Variants in NEBL observed in about 807,000 individuals in gnomAD.
The protein encoded by NEBL is LIM and SH3 protein 2.
NEBL carries 122 observed loss-of-function variants against 140.2 expected under a neutral mutation model. That is an observed-to-expected ratio of 0.87 (90% CI 0.75 to 1.01). NEBL has a LOEUF of 1.01. NEBL is among the 50% of genes least tolerant of loss of function. The pLI is 0.00. For missense variants in NEBL, 1,365 were observed against 1,231.3 expected, an observed-to-expected ratio of 1.11 and a Z score of -1.62; for synonymous variants, 436 against 398.9, an observed-to-expected ratio of 1.09 and a Z score of -1.11.
chr10:21,014,120 T>A (rs926164474), intron 3 of NEBL, among the ~76,000 whole-genome samples: 3 of 152,074 alleles, frequency 2.0e-5, no homozygotes, highest in Non-Finnish European at 4.4e-5. Flanking sequence ...TCCTATTTTT[T>A]ATTATTATTA....
At chr10:20,887,411 C>CTTTTTT (rs36034071) in intron 4 of NEBL, among the ~76,000 whole-genome samples, 11 of 80,624 alleles carry the variant, frequency 1.4e-4, no homozygotes, top group East Asian at 9.8e-4. Context: ...TGAATTCAAC[C>CTTTTTT]TTTTTTTTTT....
intron 2 of NEBL, among the ~76,000 whole-genome samples, chr10:20,890,723 G>C (rs1846959134): frequency 6.6e-6 from 1 of 152,212 alleles, no homozygotes; most frequent in African/African-American, 2.4e-5. Context: ...TTTGGGGATA[G>C]GCCAGAATTG....
At chr10:21,286,559 G>A (rs770622905) in intron 1 of NEBL, among the ~76,000 whole-genome samples, 38 of 152,210 alleles carry the variant, frequency 2.5e-4, no homozygotes, top group Non-Finnish European at 4.4e-4. Context: ...ATAGCAGGGC[G>A]CCATGGCTCA....
At chr10:21,291,641 G>A (rs997660606) in intron 1 of NEBL, among the ~76,000 whole-genome samples, 1 of 152,004 alleles carries the variant, frequency 6.6e-6, no homozygotes, top group East Asian at 1.9e-4. Context: ...CAGACCAGGC[G>A]CAGTGGCTCA....
chr10:21,018,816 T>C (rs1302228811), intron 3 of NEBL, among the ~76,000 whole-genome samples: 6 of 151,974 alleles, frequency 3.9e-5, no homozygotes, highest in Admixed American at 3.3e-4. Context: ...GATCACAAAG[T>C]CAGGAGTTCA....
intron 2 of NEBL, among the ~76,000 whole-genome samples, chr10:21,098,332 C>A (rs1190644320): frequency 6.6e-6 from 1 of 152,178 alleles, no homozygotes; most frequent in Non-Finnish European, 1.5e-5. Context: ...AGACAAAGAT[C>A]AAACTATGAC....
chr10:21,161,547 T>A (rs1315310409), intron 2 of NEBL, among the ~76,000 whole-genome samples: 2 of 152,174 alleles, frequency 1.3e-5, no homozygotes, highest in Non-Finnish European at 2.9e-5. Context: ...AATTTGCCAA[T>A]AGGACAGACT....
At chr10:20,839,358 G>A (rs952603912) in intron 13 of NEBL, among the ~76,000 whole-genome samples, 2 of 152,164 alleles carry the variant, frequency 1.3e-5, no homozygotes, top group African/African-American at 4.8e-5. Flanking sequence ...CTAATGTAGG[G>A]TTAATGTGAT....
At chr10:20,941,249 G>T (rs144687319) in intron 4 of NEBL, among the ~76,000 whole-genome samples, 2 of 152,246 alleles carry the variant, frequency 1.3e-5, no homozygotes, top group South Asian at 2.1e-4. Context: ...TGATCAAGTG[G>T]GCTTCATCCC....
chr10:21,286,659 T>C (rs1017001945), intron 1 of NEBL, among the ~76,000 whole-genome samples: 1 of 152,086 alleles, frequency 6.6e-6, no homozygotes, highest in African/African-American at 2.4e-5. Context: ...AGTGAAACCC[T>C]GTCTCTATTA....
At chr10:21,125,900 T>C (rs1838803386) in intron 2 of NEBL, 1 of 1,614,214 alleles carries the variant, frequency 6.2e-7, no homozygotes, top group East Asian at 2.2e-5. Flanking sequence ...AATCCATGCT[T>C]CCCTTTGGTT....
intron 2 of NEBL, among the ~76,000 whole-genome samples, chr10:21,107,496 C>A (rs573565291): frequency 6.6e-6 from 1 of 152,262 alleles, no homozygotes; most frequent in African/African-American, 2.4e-5. Context: ...GTTGAATCAG[C>A]CTTGCATCCC....
At chr10:21,000,510 T>C (rs1770912348) in intron 3 of NEBL, among the ~76,000 whole-genome samples, 1 of 152,016 alleles carries the variant, frequency 6.6e-6, no homozygotes, top group African/African-American at 2.4e-5. Context: ...CAGAGGTCTC[T>C]AAAGAGAGAG....
intron 1 of NEBL, among the ~76,000 whole-genome samples, chr10:21,273,761 G>A (rs1842885795): frequency 2.6e-5 from 4 of 152,140 alleles, no homozygotes; most frequent in Non-Finnish European, 5.9e-5. Context: ...GCTGAGGGGT[G>A]GATCTCACTG....
intron 2 of NEBL, among the ~76,000 whole-genome samples, chr10:21,138,230 G>A (rs867665170): frequency 5.2e-4 from 79 of 152,238 alleles, no homozygotes; most frequent in African/African-American, 1.6e-3. Flanking sequence ...ACTGCAAAAT[G>A]TGTGCATGTT....
chr10:20,915,617 G>A (rs1434130038), intron 4 of NEBL, among the ~76,000 whole-genome samples: 1 of 151,610 alleles, frequency 6.6e-6, no homozygotes, highest in Non-Finnish European at 1.5e-5. Flanking sequence ...AGTATTCCAT[G>A]GTGTATATGT....
chr10:21,203,105 C>G (rs532788033), intron 3 of NEBL, among the ~76,000 whole-genome samples: 1 of 152,298 alleles, frequency 6.6e-6, no homozygotes, highest in Admixed American at 6.5e-5. Flanking sequence ...TTGGAGATTC[C>G]TGAATCAACT....
intron 4 of NEBL, among the ~76,000 whole-genome samples, chr10:20,912,578 G>A (rs893644432): frequency 1.3e-5 from 2 of 152,088 alleles, no homozygotes; most frequent in African/African-American, 4.8e-5. Flanking sequence ...CCACTTTCAT[G>A]AATCCAGTAT....
intron 2 of NEBL, among the ~76,000 whole-genome samples, chr10:21,080,048 T>C (rs1361333318): frequency 6.6e-6 from 1 of 152,242 alleles, no homozygotes; most frequent in Non-Finnish European, 1.5e-5. Flanking sequence ...AATTCTATGA[T>C]GTCTCAGCTA....
Sources: allele counts gnomAD v4.1 joint callset (sites outside exome capture counted in the v4.1 genomes callset), GRCh38; gene constraint gnomAD v4.1.1; transcripts MANE v1.5; gene names NCBI Gene and HGNC (gene_info 2026-07-23, HGNC 2026-07-21).